DNAJA1: variants seen among roughly 807,000 people sequenced by gnomAD.
The protein encoded by DNAJA1 is DnaJ heat shock protein family (Hsp40) member A1.
In DNAJA1, 26 loss-of-function variants were observed where a neutral mutation model predicts 47.6. The observed-to-expected ratio is 0.55, with a 90% confidence interval of 0.40 to 0.76. DNAJA1 has a LOEUF of 0.76. Ranked by LOEUF, DNAJA1 falls within the 30% of genes least tolerant of loss-of-function variation. The pLI, the probability that DNAJA1 is intolerant of heterozygous loss-of-function variation, is 0.00. For missense variants in DNAJA1, 315 were observed against 485.0 expected (o/e 0.65, Z 3.29); for synonymous variants, 165 against 158.4 (o/e 1.04, Z -0.31).
intron 5 of DNAJA1, among the ~76,000 whole-genome samples, 194 bp from the exon 6 acceptor site, chr9:33,034,022 C>T (rs1004545170): frequency 6.6e-6 from 1 of 152,166 alleles, no homozygotes; most frequent in African/African-American, 2.4e-5. Context: ...GAAGGCTAGT[C>T]TCTTTGCCTC....
chr9:33,039,090 GAC>G lies in DNAJA1; in HGVS notation c.*188_*189del. The G allele has an allele frequency of 1.7e-6, 1 of 603,842 alleles. No homozygotes were observed. The highest frequency in any genetic ancestry group is 2.9e-6 in the Non-Finnish European group (1 of 348,206). The allele number at this position is 603,842 out of a possible 1,614,324, so 37.4% of individuals were successfully genotyped here. A position where few individuals can be genotyped will look rare whatever the true frequency, so the allele number is the denominator to read the frequency against. On this transcript the variant is annotated 3_prime_UTR_variant, in exon 9 of 9. Coordinates refer to ENST00000330899, the MANE Select transcript of DNAJA1 (RefSeq NM_001539.4). ...TCTGATTTTGCCCTGTATGTATGATGACTTCAGTGTGCAAGATGAAGTTTAAT... is the reference window on the plus strand; with the variant it reads ...TCTGATTTTGCCCTGTATGTATGATGTTCAGTGTGCAAGATGAAGTTTAAT...
intron 7 of DNAJA1, 72 bp downstream of exon 7, chr9:33,036,761 G>T: frequency 8.7e-7 from 1 of 1,145,178 alleles, no homozygotes; most frequent in Non-Finnish European, 1.3e-6. Flanking sequence ...TTAACAAAGT[G>T]TAGTATAGGC....
chr9:33,034,499 G>T (rs1315146474), intron 6 of DNAJA1, among the ~76,000 whole-genome samples, 169 bp downstream of exon 6: 1 of 152,138 alleles, frequency 6.6e-6, no homozygotes, highest in Non-Finnish European at 1.5e-5. Context: ...CATAGGATCA[G>T]ATTTTTAGCT....
Position 33,036,945 on chromosome 9 carries a change from G to A in DNAJA1, c.875-70G>A. 2.2e-6 allele frequency: 3 copies of A among 1,394,596 alleles called. No homozygotes were observed. The South Asian group carries it at 3.8e-5, about 18-fold the overall frequency. The allele number at this position is 1,394,596 out of a possible 1,614,324, so 86.4% of individuals were successfully genotyped here. ...TGCCAATGAGCTAGGACAGTGCTCT[G>A]TTCTTTATATTCCCTGCCTCATAAA... is the stretch of plus-strand genomic sequence containing the variant. On this transcript the variant is annotated intron_variant, in intron 7 of 8. Coordinates refer to ENST00000330899, the MANE Select transcript of DNAJA1 (RefSeq NM_001539.4).
chr9:33,037,194 G>T, intron 8 of DNAJA1, 79 bp downstream of exon 8: 2 of 1,241,524 alleles, frequency 1.6e-6, no homozygotes, highest in Non-Finnish European at 1.1e-6. Flanking sequence ...ATTTCAGCCA[G>T]GTGCAAGTAG....
Position 33,038,572 on chromosome 9 carries a change from G to A in DNAJA1, c.976-113G>A, listed in dbSNP as rs189482404. 4.1e-5 allele frequency: 39 copies of A among 942,354 alleles called. No individual in the cohort carries two copies. The East Asian group carries it at 9.7e-4, about 23-fold the overall frequency. The allele number at this position is 942,354 out of a possible 1,614,324, so 58.4% of individuals were successfully genotyped here. ...AGCCTGTTCTAACCTGAGATTGGCA[G>A]ATTCACCTAAATATTACGTGTTTAC... On this transcript the variant is annotated intron_variant, in intron 8 of 8. Coordinates refer to ENST00000330899, the MANE Select transcript of DNAJA1 (RefSeq NM_001539.4).
chr9:33,035,462 TTTTA>T (rs199955273), intron 6 of DNAJA1, among the ~76,000 whole-genome samples: 20 of 151,648 alleles, frequency 1.3e-4, no homozygotes, highest in African/African-American at 4.3e-4. Flanking sequence ...ATTAAAGATG[TTTTA>T]TTTATTTATT....
chr9:33,035,362 C>CA lies in DNAJA1; in HGVS notation c.758+1041dup, dbSNP rs200754591. 1.3e-3 allele frequency among the ~76,000 whole-genome samples: 189 copies of CA among 149,110 alleles called. 3 individuals carry two copies. Among genetic ancestry groups the CA allele is most frequent in the African/African-American group, 4.0e-3 (161 of 40,634 alleles). ...GGGCAAAAAGAGCAAAACTTGGTCT[C>CA]AAAAAAAAAGACTAATATTTTACAA... On this transcript the variant is annotated intron_variant, in intron 6 of 8. Coordinates refer to ENST00000330899, the MANE Select transcript of DNAJA1 (RefSeq NM_001539.4).
chr9:33,039,053 A>G lies in DNAJA1; in HGVS notation c.*150A>G, dbSNP rs1699099233. The G allele has an allele frequency of 1.3e-6, 1 of 766,618 alleles. No homozygotes were observed. Among genetic ancestry groups the G allele is most frequent in the Non-Finnish European group, 2.1e-6 (1 of 487,496 alleles). 47.5% of individuals were successfully genotyped at this position (766,618 alleles called of 1,614,324 possible). A position where few individuals can be genotyped will look rare whatever the true frequency, so the allele number is the denominator to read the frequency against. ...AAAAAGTTAAATGAAGAATAAACGC[A>G]AATATAAAAGCTCTGATTTTGCCCT... On this transcript the variant is annotated 3_prime_UTR_variant, in exon 9 of 9. Transcript: ENST00000330899.
chr9:33,030,000 T>G lies in DNAJA1; in HGVS notation c.415+11T>G, dbSNP rs1359211763. 3.0e-5 allele frequency: 49 copies of G among 1,608,010 alleles called. No homozygotes were observed. In the East Asian group the frequency reaches 9.1e-4, roughly 30 times the overall value. On this transcript the variant is annotated intron_variant, in intron 4 of 8. Transcript: ENST00000330899. The stretch of plus-strand genomic sequence containing the variant: ...GTGACAAATGTGAAGGTACGGTGTT[T>G]TTTTGTTTTGTTTTGTTTTGTTTTT...
intron 3 of DNAJA1, among the ~76,000 whole-genome samples, chr9:33,027,234 C>T (rs1169775987): frequency 1.3e-5 from 2 of 150,812 alleles, no homozygotes; most frequent in African/African-American, 2.4e-5. Flanking sequence ...CAGCTCACAG[C>T]AACCTCCACC....
At chr9:33,036,801 C>A in intron 7 of DNAJA1, 112 bp downstream of exon 7, 1 of 843,218 alleles carries the variant, frequency 1.2e-6, no homozygotes, top group Non-Finnish European at 1.8e-6. Flanking sequence ...TTTTCTTTCT[C>A]GGTTACATAT....
Position 33,030,552 on chromosome 9 carries a change from G to A in DNAJA1, c.528G>A (p.Val176=). 1 of 1,614,170 alleles carries A rather than the reference G, an allele frequency of 6.2e-7. No homozygotes were observed. The highest frequency in any genetic ancestry group is 8.5e-7 in the Non-Finnish European group (1 of 1,180,018). ...GAATGGTTCAGCAAATTCAGTCTGTGTGCATGGAGTGCCAGGGCCATGGGG... is the reference window on the plus strand; with the variant it reads ...GAATGGTTCAGCAAATTCAGTCTGTATGCATGGAGTGCCAGGGCCATGGGG... ...GPGMVQQIQS[V]CMECQGHGER... The change falls in exon 5 of 9, where the codon GTG becomes GTA. Residue 176 remains valine, a synonymous_variant. Coordinates refer to ENST00000330899, the MANE Select transcript of DNAJA1 (RefSeq NM_001539.4).
At chr9:33,028,562 A>G (rs1587696768) in intron 3 of DNAJA1, among the ~76,000 whole-genome samples, 2 of 152,366 alleles carry the variant, frequency 1.3e-5, no homozygotes, top group South Asian at 4.1e-4. Flanking sequence ...TAAGATACTT[A>G]AACTCCTTAA....
At chr9:33,037,903 A>G (rs1475324433) in intron 8 of DNAJA1, among the ~76,000 whole-genome samples, 1 of 152,152 alleles carries the variant, frequency 6.6e-6, no homozygotes, top group Non-Finnish European at 1.5e-5. Context: ...TCTTGGCAAA[A>G]TAGTGTAATG....
chr9:33,027,031 C>G, intron 3 of DNAJA1, 41 bp downstream of exon 3: 1 of 1,611,490 alleles, frequency 6.2e-7, no homozygotes, highest in Non-Finnish European at 8.5e-7. Context: ...CTAAAGTTAG[C>G]TGTTGGTCAG....
intron 2 of DNAJA1, 21 bp from the exon 3 acceptor site, chr9:33,026,792 C>A: frequency 6.2e-7 from 1 of 1,602,388 alleles, no homozygotes; most frequent in Non-Finnish European, 8.5e-7. Flanking sequence ...AAATGAAATT[C>A]ACTCCTCTTT....
chr9:33,025,603 C>G (rs888639414), intron 1 of DNAJA1, among the ~76,000 whole-genome samples: 6 of 152,204 alleles, frequency 3.9e-5, no homozygotes, highest in Admixed American at 2.0e-4. Flanking sequence ...GACCTCCCTC[C>G]TTCCCCAGCC....
intron 3 of DNAJA1, 120 bp downstream of exon 3, chr9:33,027,110 C>T (rs1564011648): frequency 8.6e-7 from 1 of 1,163,862 alleles, no homozygotes; most frequent in Non-Finnish European, 1.2e-6. Flanking sequence ...GCAAACTGAC[C>T]ACAAATTGCC....
Sources: allele counts gnomAD v4.1 joint callset (sites outside exome capture counted in the v4.1 genomes callset), GRCh38; gene constraint gnomAD v4.1.1; transcripts MANE v1.5; gene names NCBI Gene and HGNC (gene_info 2026-07-23, HGNC 2026-07-21).